The following TMEM45A variants were observed in gnomAD, a reference collection of about 807,000 sequenced individuals.
The protein encoded by TMEM45A is DNA polymerase-transactivated protein 4.
Under a neutral mutation model 32.0 loss-of-function variants are expected in TMEM45A, and 25 were observed. The observed-to-expected ratio is 0.78, with a 90% CI of 0.57 to 1.09. The LOEUF (loss-of-function observed/expected upper bound fraction) is 1.09. Among genes scored for constraint, TMEM45A ranks in the 50% least tolerant of loss-of-function variants. TMEM45A has a pLI of 0.00. For missense variants in TMEM45A, 302 were observed against 325.0 expected (o/e 0.93, Z 0.54); for synonymous variants, 122 against 114.8 (o/e 1.06, Z -0.40).
chr3:100,519,519 C>A (rs1289328158), intron 1 of TMEM45A: 1 of 1,545,564 alleles, frequency 6.5e-7, no homozygotes, highest in South Asian at 1.2e-5. Context: ...TCATTCTTAT[C>A]TCTTCTGCCA....
chr3:100,563,266 G>A (rs1039451962), intron 4 of TMEM45A, among the ~76,000 whole-genome samples: 2 of 152,120 alleles, frequency 1.3e-5, no homozygotes, highest in Non-Finnish European at 2.9e-5. Flanking sequence ...TTCTTATAAG[G>A]ATGCCAGTCT....
rs1163577411 is a variant in TMEM45A at position 100,515,373 on chromosome 3, C to G, written c.-4+22445C>G. On this transcript the variant is annotated intron_variant, in intron 1 of 5. Transcript: ENST00000323523. The stretch of plus-strand genomic sequence containing the variant: ...AATCATCATTCTCAGTAAACTATCA[C>G]AAGAACAAAAAACCAAACACCGCAT... Among the ~76,000 whole-genome samples the G allele has an allele frequency of 3.3e-5, 5 of 150,242 alleles. No individual in the cohort carries two copies. In the South Asian group the frequency reaches 6.3e-4, roughly 19 times the overall value.
intron 4 of TMEM45A, among the ~76,000 whole-genome samples, chr3:100,566,789 T>C (rs886639714): frequency 1.3e-5 from 2 of 152,194 alleles, no homozygotes; most frequent in Non-Finnish European, 2.9e-5. Context: ...TGACCATTTG[T>C]ATATTTGCTT....
At chr3:100,574,501 A>G (rs1706640791) in intron 5 of TMEM45A, 4 of 152,342 alleles carry the variant, frequency 2.6e-5, no homozygotes, top group Admixed American at 2.6e-4. Flanking sequence ...AATTGAGGCA[A>G]TAATCAATAG....
At chr3:100,555,534 A>G (rs1037283290) in intron 2 of TMEM45A, 133 bp downstream of exon 2, 1 of 889,504 alleles carries the variant, frequency 1.1e-6, no homozygotes, top group East Asian at 2.6e-5. Flanking sequence ...ATCAAAAACC[A>G]TTTTGCAAAT....
intron 1 of TMEM45A, among the ~76,000 whole-genome samples, chr3:100,504,369 C>A (rs1355662787): frequency 3.3e-5 from 5 of 152,082 alleles, no homozygotes; most frequent in Non-Finnish European, 5.9e-5. Flanking sequence ...AGCTTGCAGA[C>A]TAGGACTGGT....
intron 1 of TMEM45A, among the ~76,000 whole-genome samples, chr3:100,494,352 G>A (rs565163171): frequency 1.1e-4 from 17 of 152,282 alleles, no homozygotes; most frequent in South Asian, 6.2e-4. Flanking sequence ...GCCTGGGCGC[G>A]GTGGCTCACG....
rs1450321667 is a variant in TMEM45A at position 100,549,992 on chromosome 3, A to T, written c.-3-5217A>T. Among the ~76,000 whole-genome samples the T allele has an allele frequency of 2.2e-5, 3 of 136,950 alleles. No individual in the cohort carries two copies. The South Asian group carries it at 6.9e-4, about 32-fold the overall frequency. The allele number at this position is 136,950 out of a possible 152,430, so 89.8% of individuals were successfully genotyped here. On this transcript the variant is annotated intron_variant, in intron 1 of 5. Transcript: ENST00000323523. ...GTTGTTGGACATTTGGGTTGGTTCC[A>T]AGTCTTTGCTATTGTGAATAATGCC...
At chr3:100,534,932 G>A (rs556204529) in intron 1 of TMEM45A, among the ~76,000 whole-genome samples, 1 of 148,650 alleles carries the variant, frequency 6.7e-6, no homozygotes, top group East Asian at 2.0e-4. Flanking sequence ...TGCACTCCCT[G>A]CCATAGCCTT....
intron 1 of TMEM45A, among the ~76,000 whole-genome samples, chr3:100,508,162 TAC>T (rs1382493046): frequency 1.3e-5 from 2 of 152,008 alleles, no homozygotes; most frequent in African/African-American, 2.4e-5. Context: ...CAATCCTAGC[TAC>T]AGAGTGCCCT....
At chr3:100,516,519 A>T (rs1708263854) in intron 1 of TMEM45A, among the ~76,000 whole-genome samples, 2 of 152,118 alleles carry the variant, frequency 1.3e-5, no homozygotes, top group South Asian at 4.1e-4. Flanking sequence ...ATGTCAAGAG[A>T]AGTTTACTTT....
chr3:100,557,061 T>C, intron 3 of TMEM45A, 89 bp downstream of exon 3: 1 of 1,405,326 alleles, frequency 7.1e-7, no homozygotes, highest in Non-Finnish European at 1.0e-6. Context: ...GGCATCTTGT[T>C]GCAGCCTTGA....
rs1225824279 is a variant in TMEM45A, at chr3:100,492,892, G to A, written c.-40G>A. On this transcript the variant is annotated 5_prime_UTR_variant, in exon 1 of 6. Coordinates refer to ENST00000323523, the MANE Select transcript of TMEM45A (RefSeq NM_018004.3). ...CTGTCTGATTTTAAGCTGGCAAAGT[G>A]GGAAAAATAAAGTGTTGAGTAAACA... The A allele has an allele frequency of 6.6e-6, 1 of 152,080 alleles. No individual in the cohort carries two copies. Among genetic ancestry groups the A allele is most frequent in the Non-Finnish European group, 1.5e-5 (1 of 68,038 alleles). The allele number at this position is 152,080 out of a possible 1,614,324, so 9.4% of individuals were successfully genotyped here.
chr3:100,515,127 G>A (rs1262665300), intron 1 of TMEM45A, among the ~76,000 whole-genome samples: 1 of 150,580 alleles, frequency 6.6e-6, no homozygotes, highest in African/African-American at 2.5e-5. Context: ...CCATTACTGG[G>A]TATATACCCA....
At chr3:100,513,990 TG>T (rs1239316623) in intron 1 of TMEM45A, among the ~76,000 whole-genome samples, 4 of 152,126 alleles carry the variant, frequency 2.6e-5, no homozygotes, top group Admixed American at 2.6e-4. Flanking sequence ...TACAAACAAA[TG>T]GAAGAACATT....
At chr3:100,511,003 T>C (rs1401634696) in intron 1 of TMEM45A, among the ~76,000 whole-genome samples, 2 of 151,822 alleles carry the variant, frequency 1.3e-5, no homozygotes, top group Non-Finnish European at 1.5e-5. Context: ...CTGATTGGTG[T>C]ACCTGAAAGT....
chr3:100,528,149 C>T lies in TMEM45A; in HGVS notation c.-3-27060C>T, dbSNP rs537668258. ...TTGTTGCTAAGTATGGTCACTCTAC[C>T]TTCAGGTGTCCACAGTGGTGCCAAG... On this transcript the variant is annotated intron_variant, in intron 1 of 5. Transcript: ENST00000323523. 9.8e-5 allele frequency among the ~76,000 whole-genome samples: 15 copies of T among 152,298 alleles called. No homozygotes were observed. The East Asian group carries it at 2.9e-3, about 29-fold the overall frequency.
chr3:100,532,773 T>C (rs1266148617), intron 1 of TMEM45A, among the ~76,000 whole-genome samples: 1 of 152,216 alleles, frequency 6.6e-6, no homozygotes, highest in Non-Finnish European at 1.5e-5. Flanking sequence ...ATTTGTAAGC[T>C]GTTTGACCTG....
chr3:100,523,061 G>C (rs1341779709), intron 1 of TMEM45A, among the ~76,000 whole-genome samples: 2 of 152,178 alleles, frequency 1.3e-5, no homozygotes, highest in East Asian at 3.9e-4. Flanking sequence ...AAACTCTAAT[G>C]CTTAGCACTG....
Sources: gnomAD v4.1 joint callset for allele counts (sites outside exome capture counted in the v4.1 genomes callset) on GRCh38, gnomAD v4.1.1 for gene constraint, MANE v1.5 for transcripts, NCBI Gene and HGNC (gene_info 2026-07-23, HGNC 2026-07-21) for gene names.